Variants in EYS observed in about 807,000 individuals in gnomAD.
EYS encodes the protein protein eyes shut homolog.
Under a neutral mutation model 282.1 loss-of-function variants are expected in EYS, and 250 were observed. The ratio of observed to expected loss-of-function variants is 0.89; its 90% CI spans 0.80 to 0.98. The LOEUF (loss-of-function observed/expected upper bound fraction) is 0.98. Among genes scored for constraint, EYS ranks in the 50% least tolerant of loss-of-function variants. The pLI, the probability that EYS is intolerant of heterozygous loss-of-function variation, is 0.00. For missense variants in EYS, 4,016 were observed against 3,709.0 expected, an observed-to-expected ratio of 1.08 and a Z score of -2.15; for synonymous variants, 1,355 against 1,282.9, an observed-to-expected ratio of 1.06 and a Z score of -1.20.
At chr6:64,569,767 A>C (rs1441244839) in intron 26 of EYS, among the ~76,000 whole-genome samples, 1 of 152,040 alleles carries the variant, frequency 6.6e-6, no homozygotes, top group African/African-American at 2.4e-5. Context: ...AAAGGAACAG[A>C]CAAAGCCTCC....
In EYS at chr6:64,668,849, G is replaced by A. The variant is rs530703597; in HGVS notation, c.3444-42604C>T. On this transcript the variant is annotated intron_variant, in intron 22 of 42. Coordinates refer to ENST00000503581, the MANE Select transcript of EYS (RefSeq NM_001142800.2). The stretch of plus-strand genomic sequence containing the variant: ...CCCAAAGTGCTGGTATTACAGGTGT[G>A]AGCCACCACACCTGGCCGCTAGTAC... Among the ~76,000 whole-genome samples the A allele has an allele frequency of 3.9e-4, 60 of 152,000 alleles. 1 individual carries two copies. The highest frequency in any genetic ancestry group is 3.4e-3 in the Middle Eastern group (1 of 294).
At chr6:64,628,087 A>AAAAC (rs1027292053) in intron 22 of EYS, among the ~76,000 whole-genome samples, 5 of 152,184 alleles carry the variant, frequency 3.3e-5, no homozygotes, top group East Asian at 3.9e-4. Context: ...CTCAAAAACA[A>AAAAC]AAACAAACAA....
At chr6:64,393,109 T>G (rs1773215774) in intron 28 of EYS, among the ~76,000 whole-genome samples, 1 of 152,116 alleles carries the variant, frequency 6.6e-6, no homozygotes, top group African/African-American at 2.4e-5. Flanking sequence ...AATAGACCAA[T>G]AGCAGGATCT....
chr6:65,140,030 C>T (rs941918917), intron 12 of EYS, among the ~76,000 whole-genome samples: 12 of 151,970 alleles, frequency 7.9e-5, no homozygotes, highest in East Asian at 7.8e-4. Flanking sequence ...AATATCACCA[C>T]GAAGGCAATT....
At chr6:65,519,969 C>CACTCTTTATAGATTAATTTT (rs1367911633) in intron 2 of EYS, among the ~76,000 whole-genome samples, 6 of 148,248 alleles carry the variant, frequency 4.0e-5, no homozygotes, top group East Asian at 4.0e-4. Flanking sequence ...TATGGATTTT[C>CACTCTTTATAGATTAATTTT]ACTCTTTATA....
intron 11 of EYS, among the ~76,000 whole-genome samples, chr6:65,325,209 C>G (rs1056953203): frequency 6.6e-6 from 1 of 152,162 alleles, no homozygotes; most frequent in African/African-American, 2.4e-5. Flanking sequence ...CTTCTCCCCT[C>G]CTCCTCTCCC....
chr6:64,250,678 C>T (rs565238832), intron 30 of EYS, among the ~76,000 whole-genome samples: 28 of 152,090 alleles, frequency 1.8e-4, no homozygotes, highest in Middle Eastern at 3.2e-3. Context: ...CCGATAAATT[C>T]GTGCTGGATA....
At chr6:64,870,418 TC>T (rs1766556782) in intron 19 of EYS, among the ~76,000 whole-genome samples, 1 of 92,634 alleles carries the variant, frequency 1.1e-5, no homozygotes, top group East Asian at 3.7e-4. Context: ...ACCCCCCTCC[TC>T]CCCCCTCCAA....
intron 22 of EYS, among the ~76,000 whole-genome samples, chr6:64,695,029 T>C (rs1770526231): frequency 1.3e-5 from 2 of 151,924 alleles, no homozygotes; most frequent in Non-Finnish European, 2.9e-5. Context: ...GGTTCATCAG[T>C]AGTTGCTGTG....
At position 65,057,635 on chromosome 6, in the gene EYS, G is replaced by A; in HGVS notation, c.2116C>T (p.Gln706Ter). The A allele has an allele frequency of 1.3e-6, 2 of 1,549,402 alleles. No individual in the cohort carries two copies. Among genetic ancestry groups the A allele is most frequent in the African/African-American group, 2.7e-5 (2 of 73,038 alleles). The change falls in exon 13 of 43, where the codon CAG (glutamine) becomes TAG (stop). Residue 706 changes from glutamine (Q) to a stop codon, truncating the protein, a stop_gained. Transcript: ENST00000503581. LOFTEE classifies it high-confidence loss of function. ...TTACCTTTAAATGGAGGCACACACT[G>A]GCAGAAGTAATTACCAGGTTGGTCA... ...CIDQPGNYFC[Q>*]CVPPFKVVDG...
intron 18 of EYS, among the ~76,000 whole-genome samples, chr6:64,898,181 A>G (rs1767534497): frequency 6.6e-6 from 1 of 152,174 alleles, no homozygotes; most frequent in Non-Finnish European, 1.5e-5. Flanking sequence ...AAATGAAGGA[A>G]AAAATGTTAA....
At chr6:64,605,828 A>G (rs1161843040) in intron 24 of EYS, among the ~76,000 whole-genome samples, 1 of 151,976 alleles carries the variant, frequency 6.6e-6, no homozygotes, top group Non-Finnish European at 1.5e-5. Flanking sequence ...CCAATACTCA[A>G]CTGATTTTTG....
In EYS at chr6:64,023,457, T is replaced by C. The variant is rs565948896; in HGVS notation, c.6726-24274A>G. Among the ~76,000 whole-genome samples, 403 of 152,384 alleles carry C rather than the reference T, an allele frequency of 2.6e-3. 1 individual carries two copies. Among genetic ancestry groups the C allele is most frequent in the African/African-American group, 9.3e-3 (386 of 41,604 alleles). ...CCATTTGTAGTGTACCATTTTACGC[T>C]GTACATGGTAAAATGTACACTTATA... On this transcript the variant is annotated intron_variant, in intron 33 of 42. Transcript: ENST00000503581.
At chr6:64,910,607 T>G (rs892707714) in intron 16 of EYS, among the ~76,000 whole-genome samples, 2 of 152,056 alleles carry the variant, frequency 1.3e-5, no homozygotes, top group African/African-American at 4.8e-5. Context: ...CTGATTTGGC[T>G]TACGTACAAT....
chr6:64,659,534 T>C (rs892147305), intron 22 of EYS, among the ~76,000 whole-genome samples: 108 of 151,548 alleles, frequency 7.1e-4, no homozygotes, highest in Non-Finnish European at 1.5e-3. Flanking sequence ...ATAGATGCAA[T>C]AAAAAATGAT....
intron 5 of EYS, among the ~76,000 whole-genome samples, chr6:65,413,693 C>T (rs1043945782): frequency 5.9e-5 from 9 of 151,916 alleles, no homozygotes; most frequent in Non-Finnish European, 1.3e-4. Flanking sequence ...CCCGTCTCTA[C>T]TAAAATACAA....
intron 29 of EYS, among the ~76,000 whole-genome samples, chr6:64,335,112 T>C (rs1334736811): frequency 6.6e-6 from 1 of 152,088 alleles, no homozygotes; most frequent in Admixed American, 6.6e-5. Context: ...ACTGTAGTGC[T>C]CTTTACTAAT....
intron 6 of EYS, among the ~76,000 whole-genome samples, chr6:65,402,814 C>T (rs1293760328): frequency 3.3e-5 from 5 of 151,998 alleles, no homozygotes; most frequent in African/African-American, 1.2e-4. Context: ...ATCAAAGCTC[C>T]TCTATTAAGA....
intron 31 of EYS, among the ~76,000 whole-genome samples, chr6:64,183,543 C>G (rs2150312748): frequency 6.6e-6 from 1 of 152,222 alleles, no homozygotes; most frequent in East Asian, 1.9e-4. Flanking sequence ...TAAATATTAG[C>G]AGACAATTCA....
Sources: allele counts gnomAD v4.1 joint callset (sites outside exome capture counted in the v4.1 genomes callset), GRCh38; gene constraint gnomAD v4.1.1; transcripts MANE v1.5; gene names NCBI Gene and HGNC (gene_info 2026-07-23, HGNC 2026-07-21).